Variants in SLC3A1 observed in about 807,000 individuals in gnomAD.
SLC3A1 encodes solute carrier family 3 member 1, also known as amino acid transporter heavy chain SLC3A1.
A neutral mutation model predicts 60.3 loss-of-function variants in SLC3A1; 78 were observed. That is an observed-to-expected ratio of 1.29 (90% CI 1.08 to 1.56). The LOEUF (loss-of-function observed/expected upper bound fraction) is 1.56, where lower values mean the gene tolerates loss of function less well. Ranked by LOEUF, SLC3A1 falls within the 40% of genes most tolerant of loss-of-function variation. The probability of loss-of-function intolerance (pLI) is 0.00; values close to 1 mark genes in which losing one functional copy is unlikely to be tolerated. For missense variants in SLC3A1, 1,172 were observed against 858.9 expected (o/e 1.36, Z -4.56); for synonymous variants, 392 against 307.9 (o/e 1.27, Z -2.86).
intron 9 of SLC3A1, among the ~76,000 whole-genome samples, chr2:44,315,923 G>T (rs1376500840): frequency 6.6e-6 from 1 of 152,142 alleles, no homozygotes; most frequent in African/African-American, 2.4e-5. Context: ...GTCCCCTGGC[G>T]AGAATTCACT....
chr2:44,304,623 T>C (rs1160345143), intron 7 of SLC3A1, among the ~76,000 whole-genome samples: 1 of 152,060 alleles, frequency 6.6e-6, no homozygotes, highest in East Asian at 1.9e-4. Context: ...CCCACATATC[T>C]CAGAGTTTAT....
In SLC3A1 at chr2:44,320,259, G is replaced by A; in HGVS notation, c.1678G>A (p.Ala560Thr). The change falls in exon 10 of 10, where the codon GCC (alanine) becomes ACC (threonine). Residue 560 changes from alanine to threonine, a missense_variant. By Grantham distance (58) the Ala-to-Thr change is moderately conservative. Transcript: ENST00000260649. The stretch of plus-strand genomic sequence containing the variant: ...ATATCAAGATTTAAGTCTACTTCAT[G>A]CCAATGAGCTACTCCTCAACAGGGG... ...KLYQDLSLLH[A>T]NELLLNRGWF... is the part of the protein sequence containing the mutation. 1 of 1,614,042 alleles carries A rather than the reference G, an allele frequency of 6.2e-7. No individual in the cohort carries two copies. The highest frequency in any genetic ancestry group is 8.5e-7 in the Non-Finnish European group (1 of 1,179,946).
intron 4 of SLC3A1, 93 bp from the exon 5 acceptor site, chr2:44,299,878 A>G: frequency 7.7e-7 from 1 of 1,292,864 alleles, no homozygotes; most frequent in Non-Finnish European, 1.1e-6. Flanking sequence ...TATCTGTTTT[A>G]TGATGCCAAG....
At chr2:44,291,923 T>C (rs777189514) in intron 4 of SLC3A1, among the ~76,000 whole-genome samples, 29 of 152,186 alleles carry the variant, frequency 1.9e-4, no homozygotes, top group Admixed American at 1.4e-3. Context: ...TTGGCTCTGC[T>C]CTGAACCTCT....
At chr2:44,278,800 G>C (rs1671408812) in intron 1 of SLC3A1, among the ~76,000 whole-genome samples, 1 of 151,992 alleles carries the variant, frequency 6.6e-6, no homozygotes, top group Non-Finnish European at 1.5e-5. Context: ...AAATTCCTGG[G>C]TTCCTATATA....
chr2:44,299,838 T>C (rs139092789), intron 4 of SLC3A1, 133 bp from the exon 5 acceptor site: 2 of 932,840 alleles, frequency 2.1e-6, no homozygotes. Flanking sequence ...AAAAATAGAC[T>C]GTGAATACTG....
At chr2:44,300,608 C>A (rs1671979454) in intron 5 of SLC3A1, among the ~76,000 whole-genome samples, 1 of 151,694 alleles carries the variant, frequency 6.6e-6, no homozygotes, top group Non-Finnish European at 1.5e-5. Flanking sequence ...GGTAAAGAAA[C>A]AAATTTAAGT....
At chr2:44,295,160 C>T (rs1292620086) in intron 4 of SLC3A1, among the ~76,000 whole-genome samples, 5 of 152,170 alleles carry the variant, frequency 3.3e-5, no homozygotes, top group Admixed American at 1.3e-4. Context: ...AGGCTTGGCT[C>T]AAGGTTCCAT....
At chr2:44,312,551 A>T (rs752810220) in intron 7 of SLC3A1, 35 bp from the exon 8 acceptor site, 3 of 1,606,432 alleles carry the variant, frequency 1.9e-6, no homozygotes, top group Non-Finnish European at 2.6e-6. Context: ...AAAACTGTGT[A>T]TACAGCTGTG....
chr2:44,287,796 C>T (rs1671651446), intron 4 of SLC3A1, among the ~76,000 whole-genome samples: 1 of 152,144 alleles, frequency 6.6e-6, no homozygotes. Flanking sequence ...GAGACCCTAA[C>T]AGAACGGGGA....
Position 44,304,165 on chromosome 2 carries a change from G to A in SLC3A1, c.1159G>A (p.Ala387Thr), listed in dbSNP as rs373042592. ...TAGGTTCATGGGGACTGAAGCCTAT[G>A]CAGAGAGTATTGACAGGACCGTGAT... ...RYRFMGTEAY[A>T]ESIDRTVMYY... The change falls in exon 7 of 10, where the codon GCA (alanine) becomes ACA (threonine). Residue 387 changes from alanine to threonine, a missense_variant. Coordinates refer to ENST00000260649, the MANE Select transcript of SLC3A1 (RefSeq NM_000341.4). 2.4e-5 allele frequency: 39 copies of A among 1,614,002 alleles called. No homozygotes were observed. The highest frequency in any genetic ancestry group is 1.6e-4 in the Middle Eastern group (1 of 6,084).
intron 3 of SLC3A1, chr2:44,285,742 A>T (rs562415858): frequency 6.9e-6 from 4 of 580,482 alleles, no homozygotes; most frequent in African/African-American, 5.5e-5. Context: ...TACATTAGTA[A>T]TGTCAGTTCC....
intron 4 of SLC3A1, among the ~76,000 whole-genome samples, chr2:44,293,756 G>A (rs1300989725): frequency 6.6e-6 from 1 of 152,094 alleles, no homozygotes; most frequent in Admixed American, 6.6e-5. Context: ...AAAATCCAAG[G>A]GAGCCAGGCT....
At chr2:44,306,243 G>A (rs911825289) in intron 7 of SLC3A1, among the ~76,000 whole-genome samples, 5 of 152,068 alleles carry the variant, frequency 3.3e-5, no homozygotes, top group Admixed American at 6.5e-5. Context: ...GATACTTTTC[G>A]CACAGATCCT....
intron 9 of SLC3A1, chr2:44,317,926 AAC>A (rs1027948231): frequency 1.6e-5 from 4 of 251,644 alleles, no homozygotes; most frequent in Admixed American, 1.1e-4. Flanking sequence ...ACTAACATAA[AAC>A]ACAAAGAATT....
At position 44,312,724 on chromosome 2, in the gene SLC3A1, G is replaced by T. The variant is rs1672330123; in HGVS notation, c.1471G>T (p.Ala491Ser). Residue 491 changes from alanine to serine, a missense_variant, in exon 8 of 10, where the codon GCC becomes TCC. Transcript: ENST00000260649. Reference sequence around the variant, plus strand: ...AGAAATTGGAATGGGAAATATTGTAGCCGCAAATCTCAATGAAAGCTATGA... The same window carrying T: ...AGAAATTGGAATGGGAAATATTGTATCCGCAAATCTCAATGAAAGCTATGA... ...GEEIGMGNIV[A>S]ANLNESYDIN... 1 of 1,613,332 alleles carries T rather than the reference G, an allele frequency of 6.2e-7. No individual in the cohort carries two copies. Among genetic ancestry groups the T allele is most frequent in the South Asian group, 1.1e-5 (1 of 91,072 alleles).
downstream of SLC3A1, chr2:44,321,658 A>C: frequency 1.3e-6 from 2 of 1,522,866 alleles, no homozygotes; most frequent in Non-Finnish European, 1.8e-6. Flanking sequence ...CAAGAGAGAG[A>C]CATTTCTCTT....
At position 44,320,201 on chromosome 2, in the gene SLC3A1, C is replaced by A. The variant is rs1322631154; in HGVS notation, c.1620C>A (p.Val540=). The A allele has an allele frequency of 1.2e-6, 2 of 1,611,930 alleles. No individual in the cohort carries two copies. Among genetic ancestry groups the A allele is most frequent in the African/African-American group, 2.7e-5 (2 of 74,802 alleles). The change falls in exon 10 of 10, where the codon GTC becomes GTA. Residue 540 remains valine (V), a splice_region_variant and synonymous_variant. Coordinates refer to ENST00000260649, the MANE Select transcript of SLC3A1 (RefSeq NM_000341.4). ...TAAATACTTTTTTAAAAAAATAGGT[C>A]CAAAAGACTCAGCCCAGATCGGCTT... ...NSDYHTVNVD[V]QKTQPRSALK...
intron 7 of SLC3A1, among the ~76,000 whole-genome samples, chr2:44,304,746 G>A (rs949995406): frequency 9.9e-5 from 15 of 151,046 alleles, no homozygotes; most frequent in East Asian, 7.8e-4. Flanking sequence ...ACTGCAAAAA[G>A]CATTTAAACT....
Sources: allele counts gnomAD v4.1 joint callset (sites outside exome capture counted in the v4.1 genomes callset), GRCh38; gene constraint gnomAD v4.1.1; transcripts MANE v1.5; gene names NCBI Gene and HGNC (gene_info 2026-07-23, HGNC 2026-07-21).